The following PCDHGA3 variants were observed in gnomAD, a reference collection of about 807,000 sequenced individuals.
PCDHGA3 encodes the protein protocadherin gamma-A3.
In PCDHGA3, 40 loss-of-function variants were observed where a neutral mutation model predicts 58.5. The observed-to-expected ratio is 0.68, with a 90% CI of 0.53 to 0.89. PCDHGA3 has a LOEUF of 0.89. PCDHGA3 is among the 40% of genes least tolerant of loss of function. The pLI, the probability that PCDHGA3 is intolerant of heterozygous loss-of-function variation, is 0.00. For missense variants in PCDHGA3, 1,223 were observed against 1,195.9 expected, an observed-to-expected ratio of 1.02 and a Z score of -0.33; for synonymous variants, 530 against 525.7, an observed-to-expected ratio of 1.01 and a Z score of -0.11.
Position 141,345,679 on chromosome 5 carries a change from A to G in PCDHGA3, c.1646A>G (p.Asn549Ser). The change falls in exon 1 of 4, where the codon AAC becomes AGC. Residue 549 changes from asparagine (N) to serine (S), a missense_variant. Asn to Ser is a conservative substitution (Grantham distance 46). This residue lies in a region of PCDHGA3 where 791 missense variants were observed against 708.5 expected (regional missense o/e 1.12). Coordinates refer to ENST00000253812, the MANE Select transcript of PCDHGA3 (RefSeq NM_018916.4). Reference protein sequence around the residue: ...NPPLSSNVSLNLFVLDQNDNA... With the variant: ...NPPLSSNVSLSLFVLDQNDNA... ...CCACTCAGCAGCAACGTGTCGCTGAACCTGTTCGTGCTGGACCAGAACGAC... is the reference window on the plus strand; with the variant it reads ...CCACTCAGCAGCAACGTGTCGCTGAGCCTGTTCGTGCTGGACCAGAACGAC... 1.2e-6 allele frequency: 2 copies of G among 1,614,068 alleles called. No homozygotes were observed. The highest frequency in any genetic ancestry group is 4.5e-5 in the East Asian group (2 of 44,874).
chr5:141,427,491 G>A (rs1158414276), intron 1 of PCDHGA3: 1 of 553,626 alleles, frequency 1.8e-6, no homozygotes, highest in Non-Finnish European at 3.4e-6. Context: ...CTATAAGCTT[G>A]TAACAGATGG....
chr5:141,427,865 G>A, intron 1 of PCDHGA3: 1 of 1,558,148 alleles, frequency 6.4e-7, no homozygotes. Flanking sequence ...GCGCCTTCGA[G>A]CTCACGATGC....
At chr5:141,395,174 AAATGATT>A in intron 1 of PCDHGA3, 1 of 1,614,220 alleles carries the variant, frequency 6.2e-7, no homozygotes, top group Non-Finnish European at 8.5e-7. Flanking sequence ...GCTGTGAGAA[AAATGATT>A]CTTTGTTAAC....
rs375516156 is a variant in PCDHGA3 at position 141,510,311 on chromosome 5, C to G, written c.2573-636C>G. Among the ~76,000 whole-genome samples, 70 of 151,056 alleles carry G rather than the reference C, an allele frequency of 4.6e-4. No homozygotes were observed. The South Asian group carries it at 0.014, about 31-fold the overall frequency. On this transcript the variant is annotated intron_variant, in intron 3 of 3. Transcript: ENST00000253812. The stretch of plus-strand genomic sequence containing the variant: ...AAAAAATGCTGTTTTGAAATGGAGG[C>G]TTGGAAGAGCACTCTTCACCCCCAC...
At chr5:141,356,461 A>G in intron 1 of PCDHGA3, 2 of 1,613,614 alleles carry the variant, frequency 1.2e-6, no homozygotes, top group Non-Finnish European at 1.7e-6. Context: ...ATATAACATC[A>G]CTGTAACTGC....
chr5:141,425,241 AG>A (rs2096863585), intron 1 of PCDHGA3, among the ~76,000 whole-genome samples: 1 of 152,220 alleles, frequency 6.6e-6, no homozygotes, highest in Admixed American at 6.5e-5. Flanking sequence ...TTAAATAAAA[AG>A]GATATGAGGT....
rs1219629939 is a variant in PCDHGA3, at chr5:141,350,541, G to A, written c.2424+4084G>A. 3 of 1,614,068 alleles carry A rather than the reference G, an allele frequency of 1.9e-6. No homozygotes were observed. The South Asian group carries it at 3.3e-5, about 18-fold the overall frequency. ...AGGATAGATCGAGAGAAGATTTGCG[G>A]AAGGAAACTTGAGTGTGCACTAGAA... On this transcript the variant is annotated intron_variant, in intron 1 of 3. Transcript: ENST00000253812.
chr5:141,420,422 A>C, intron 1 of PCDHGA3: 1 of 1,196,438 alleles, frequency 8.4e-7, no homozygotes, highest in Non-Finnish European at 1.1e-6. Context: ...TATTAAAACA[A>C]AAGTTTAAAT....
At chr5:141,366,062 G>A in intron 1 of PCDHGA3, 5 of 1,614,234 alleles carry the variant, frequency 3.1e-6, no homozygotes, top group Non-Finnish European at 4.2e-6. Context: ...CGTGGAGCTG[G>A]CGCCTCGCTC....
At chr5:141,498,073 T>C (rs1474889879) in intron 2 of PCDHGA3, among the ~76,000 whole-genome samples, 1 of 152,214 alleles carries the variant, frequency 6.6e-6, no homozygotes, top group Non-Finnish European at 1.5e-5. Context: ...CTGTCATAAG[T>C]GCTAGGTAGA....
At chr5:141,427,997 A>C (rs1471083920) in intron 1 of PCDHGA3, 2 of 1,600,232 alleles carry the variant, frequency 1.2e-6, no homozygotes, top group African/African-American at 2.7e-5. Flanking sequence ...ATGGCTCCGC[A>C]CTCTTCGATA....
intron 1 of PCDHGA3, chr5:141,399,485 A>G (rs760899297): frequency 4.7e-5 from 76 of 1,613,904 alleles, no homozygotes; most frequent in Non-Finnish European, 6.1e-5. Context: ...CAGGCGTCCT[A>G]CTTAGTCAGT....
chr5:141,419,616 AC>A, intron 1 of PCDHGA3: 1 of 1,612,204 alleles, frequency 6.2e-7, no homozygotes, highest in Non-Finnish European at 8.5e-7. Flanking sequence ...CAGCCAGGCT[AC>A]CTGGTGACCA....
At chr5:141,390,532 T>C (rs1413146925) in intron 1 of PCDHGA3, 1 of 531,632 alleles carries the variant, frequency 1.9e-6, no homozygotes, top group Admixed American at 3.5e-5. Context: ...GGTGTGGTTT[T>C]AACCACAAAG....
chr5:141,477,087 C>T lies in PCDHGA3; in HGVS notation c.2425-17720C>T, dbSNP rs748424193. ...AAACTCCATGAGATTTACATCCAGG[C>T]CAAAGACAAGGGCGCCAATCCCGAA... On this transcript the variant is annotated intron_variant, in intron 1 of 3. Coordinates refer to ENST00000253812, the MANE Select transcript of PCDHGA3 (RefSeq NM_018916.4). The surrounding 1 kb of genome is among the most constrained non-coding windows in gnomAD (Gnocchi z 4.9). The T allele has an allele frequency of 1.2e-6, 2 of 1,614,244 alleles. No individual in the cohort carries two copies. Among genetic ancestry groups the T allele is most frequent in the Admixed American group, 3.3e-5 (2 of 60,032 alleles).
At chr5:141,510,799 C>G in intron 3 of PCDHGA3, 148 bp from the exon 4 acceptor site, 1 of 1,481,460 alleles carries the variant, frequency 6.8e-7, no homozygotes. Context: ...TGAAGAGAGA[C>G]TACCTTGGTG....
intron 1 of PCDHGA3, among the ~76,000 whole-genome samples, chr5:141,444,838 T>G (rs2098448876): frequency 6.6e-6 from 1 of 152,214 alleles, no homozygotes; most frequent in African/African-American, 2.4e-5. Context: ...AGCTTTATAG[T>G]AAGTCTTGCT....
intron 1 of PCDHGA3, among the ~76,000 whole-genome samples, chr5:141,471,737 A>G (rs2099263581): frequency 6.6e-6 from 1 of 152,232 alleles, no homozygotes; most frequent in Non-Finnish European, 1.5e-5. Context: ...AAGGTTGGAG[A>G]CATAACATAT....
rs751345684 is a variant in PCDHGA3 at position 141,398,995 on chromosome 5, C to G, written c.2424+52538C>G. ...CTACAGAACCGGGCAAATCTTTAGT[C>G]TGAATTCAAAGAGCGGAGAAATTAC... On this transcript the variant is annotated intron_variant, in intron 1 of 3. Transcript: ENST00000253812. 2.5e-5 allele frequency: 41 copies of G among 1,613,782 alleles called. No homozygotes were observed. The East Asian group carries it at 8.7e-4, about 34-fold the overall frequency.
Sources: allele counts gnomAD v4.1 joint callset (sites outside exome capture counted in the v4.1 genomes callset), GRCh38; gene constraint gnomAD v4.1.1; regional missense constraint gnomAD v4.1.1; non-coding constraint Gnocchi (gnomAD v3.1); transcripts MANE v1.5; gene names NCBI Gene and HGNC (gene_info 2026-07-23, HGNC 2026-07-21).